Variants in ARHGAP10 observed in about 807,000 individuals in gnomAD.
The protein encoded by ARHGAP10 is Rho GTPase activating protein 10.
Under a neutral mutation model 108.6 loss-of-function variants are expected in ARHGAP10, and 87 were observed. The observed-to-expected ratio is 0.80, with a 90% CI of 0.67 to 0.96. The LOEUF (loss-of-function observed/expected upper bound fraction) is 0.96. Among genes scored for constraint, ARHGAP10 ranks in the 40% least tolerant of loss-of-function variants. ARHGAP10 has a pLI of 0.00. For missense variants in ARHGAP10, 939 were observed against 954.5 expected, an observed-to-expected ratio of 0.98 and a Z score of 0.21; for synonymous variants, 347 against 341.1, an observed-to-expected ratio of 1.02 and a Z score of -0.19.
chr4:147,830,443 C>G (rs1422348597), intron 3 of ARHGAP10, among the ~76,000 whole-genome samples: 1 of 150,810 alleles, frequency 6.6e-6, no homozygotes, highest in African/African-American at 2.5e-5. Flanking sequence ...TTGTTCCAAA[C>G]TATTAGGTTG....
Position 147,881,908 on chromosome 4 carries a change from G to T in ARHGAP10, c.1010G>T (p.Cys337Phe). The change falls in exon 10 of 23, where the codon TGT (cysteine) becomes TTT (phenylalanine). Residue 337 changes from cysteine (C) to phenylalanine (F), a missense_variant. Transcript: ENST00000336498. ...RHTDSIDRRF[C>F]FDIEAADRPG... ...ACTGACTCCATTGACAGAAGGTTTT[G>T]TTTTGACATAGAAGCTGCTGATCGG... 1 of 1,614,062 alleles carries T rather than the reference G, an allele frequency of 6.2e-7. No homozygotes were observed. The highest frequency in any genetic ancestry group is 8.5e-7 in the Non-Finnish European group (1 of 1,179,956).
chr4:147,765,926 G>A (rs922645193), intron 1 of ARHGAP10, among the ~76,000 whole-genome samples: 8 of 151,998 alleles, frequency 5.3e-5, no homozygotes, highest in South Asian at 4.2e-4. Context: ...CCATATCCTC[G>A]GGGGATTAGT....
intron 13 of ARHGAP10, among the ~76,000 whole-genome samples, chr4:147,934,380 G>A (rs571281142): frequency 1.3e-5 from 2 of 152,292 alleles, no homozygotes; most frequent in East Asian, 1.9e-4. Context: ...TGAATCCTGA[G>A]ATTCCCACAG....
At chr4:147,798,761 CTCTCTCTCTCTCTCTCTCTCTATATA>C (rs1463664899) in intron 1 of ARHGAP10, among the ~76,000 whole-genome samples, 70 of 30,864 alleles carry the variant, frequency 2.3e-3, no homozygotes, top group Middle Eastern at 0.015. Context: ...CTCTCTCTCT[CTCTCTCTCTCTCTCTCTCTCTATATA>C]TATATATATA....
At chr4:147,732,667 G>C (rs1289680809) in intron 1 of ARHGAP10, among the ~76,000 whole-genome samples, 1 of 152,112 alleles carries the variant, frequency 6.6e-6, no homozygotes, top group Non-Finnish European at 1.5e-5. Flanking sequence ...TCCCGCCCCT[G>C]CGGCTCTGCG....
intron 19 of ARHGAP10, among the ~76,000 whole-genome samples, chr4:148,030,345 G>C (rs535848627): frequency 3.3e-5 from 5 of 152,234 alleles, no homozygotes; most frequent in African/African-American, 9.6e-5. Context: ...AAACTCTTGT[G>C]GCGTAGGAGG....
intron 15 of ARHGAP10, among the ~76,000 whole-genome samples, chr4:147,949,360 T>A (rs1738508954): frequency 6.6e-6 from 1 of 152,224 alleles, no homozygotes; most frequent in African/African-American, 2.4e-5. Flanking sequence ...TTAAGTCTTG[T>A]TCACTGCAGT....
chr4:147,765,864 C>T (rs1729783542), intron 1 of ARHGAP10, among the ~76,000 whole-genome samples: 2 of 152,266 alleles, frequency 1.3e-5, no homozygotes, highest in Admixed American at 1.3e-4. Context: ...TAGCTCATGA[C>T]ATGTTCTATC....
At position 147,906,358 on chromosome 4, in the gene ARHGAP10, T is replaced by C. The variant is rs180916736; in HGVS notation, c.1035-280T>C. ...CACACAATGGAATATTAGGCTTTTATGTAGCAATTGAAAGTTATTGTTCAA... is the reference window on the plus strand; with the variant it reads ...CACACAATGGAATATTAGGCTTTTACGTAGCAATTGAAAGTTATTGTTCAA... On this transcript the variant is annotated intron_variant, in intron 10 of 22. Transcript: ENST00000336498. Among the ~76,000 whole-genome samples the C allele has an allele frequency of 4.4e-3, 670 of 152,332 alleles. 3 individuals are homozygous for C. Among genetic ancestry groups the C allele is most frequent in the Non-Finnish European group, 7.4e-3 (504 of 68,022 alleles).
chr4:147,781,674 T>C (rs531834949), intron 1 of ARHGAP10, among the ~76,000 whole-genome samples: 2 of 145,212 alleles, frequency 1.4e-5, no homozygotes, highest in Admixed American at 6.7e-5. Context: ...TTTTTTTCTT[T>C]TCTTTTCTTT....
intron 19 of ARHGAP10, among the ~76,000 whole-genome samples, chr4:148,040,276 C>T (rs967849766): frequency 1.3e-5 from 2 of 152,190 alleles, no homozygotes; most frequent in Non-Finnish European, 2.9e-5. Context: ...AAGAGCCTGG[C>T]TGTAGCCCCT....
intron 4 of ARHGAP10, among the ~76,000 whole-genome samples, chr4:147,852,331 G>T (rs1733904195): frequency 1.3e-5 from 2 of 152,194 alleles, no homozygotes; most frequent in Admixed American, 1.3e-4. Context: ...TCCTGTGCTG[G>T]CCGTTCACTT....
chr4:148,058,580 AGGCCCC>A (rs1435303924), intron 20 of ARHGAP10, among the ~76,000 whole-genome samples: 1 of 152,160 alleles, frequency 6.6e-6, no homozygotes, highest in Non-Finnish European at 1.5e-5. Context: ...TTAACAGTTA[AGGCCCC>A]TACTCCCTTC....
At chr4:148,000,937 C>T (rs1740694328) in intron 18 of ARHGAP10, among the ~76,000 whole-genome samples, 1 of 152,146 alleles carries the variant, frequency 6.6e-6, no homozygotes, top group Non-Finnish European at 1.5e-5. Flanking sequence ...TTAATTAGAT[C>T]CCATCTGTAA....
intron 8 of ARHGAP10, 86 bp downstream of exon 8, chr4:147,875,236 T>C (rs1428281827): frequency 7.3e-7 from 1 of 1,379,150 alleles, no homozygotes. Context: ...TACTGTGACA[T>C]TTTGGGCAAT....
chr4:147,762,034 G>A (rs1000871576), intron 1 of ARHGAP10, among the ~76,000 whole-genome samples: 2 of 152,084 alleles, frequency 1.3e-5, no homozygotes, highest in African/African-American at 2.4e-5. Flanking sequence ...TTGAGACAGA[G>A]TCTTGCTCTG....
chr4:147,761,074 TG>T (rs1239045555), intron 1 of ARHGAP10, among the ~76,000 whole-genome samples: 3 of 151,474 alleles, frequency 2.0e-5, no homozygotes, highest in Admixed American at 2.0e-4. Flanking sequence ...TGGAGTGCAG[TG>T]GTGTGATCAT....
chr4:147,832,639 T>A (rs1579094877), intron 3 of ARHGAP10, among the ~76,000 whole-genome samples: 1 of 6,432 alleles, frequency 1.6e-4, no homozygotes, highest in Non-Finnish European at 3.3e-3. Flanking sequence ...AGAGCAAGAC[T>A]CTGTCTCAAA....
chr4:148,030,823 C>A (rs1728115329), intron 19 of ARHGAP10, among the ~76,000 whole-genome samples: 1 of 151,454 alleles, frequency 6.6e-6, no homozygotes, highest in South Asian at 2.1e-4. Flanking sequence ...CCCTCCTAGG[C>A]TGTATTAAGA....
Sources: allele counts gnomAD v4.1 joint callset (sites outside exome capture counted in the v4.1 genomes callset), GRCh38; gene constraint gnomAD v4.1.1; transcripts MANE v1.5; gene names NCBI Gene and HGNC (gene_info 2026-07-23, HGNC 2026-07-21).